The following MSRB3 variants were observed in gnomAD, a reference collection of about 807,000 sequenced individuals.
The protein encoded by MSRB3 is methionine sulfoxide reductase B3, also known as methionine-R-sulfoxide reductase B3.
Under a neutral mutation model 21.0 loss-of-function variants are expected in MSRB3, and 13 were observed. The ratio of observed to expected loss-of-function variants is 0.62; its 90% CI spans 0.40 to 0.98. MSRB3 has a LOEUF of 0.98. MSRB3 is among the 50% of genes least tolerant of loss of function. The pLI is 0.00. For missense variants in MSRB3, 199 were observed against 230.3 expected (o/e 0.86, Z 0.88); for synonymous variants, 87 against 88.6 (o/e 0.98, Z 0.10).
intron 1 of MSRB3, among the ~76,000 whole-genome samples, chr12:65,288,085 A>ACGAG (rs1177935903): frequency 6.6e-6 from 1 of 152,010 alleles, no homozygotes; most frequent in Non-Finnish European, 1.5e-5. Flanking sequence ...CGGGCGGATC[A>ACGAG]CGAGGTCAAG....
rs1325659714 is a variant in MSRB3, at chr12:65,308,541, T to C, written c.-39T>C. The C allele has an allele frequency of 6.2e-7, 1 of 1,613,842 alleles. No individual in the cohort carries two copies. Among genetic ancestry groups the C allele is most frequent in the South Asian group, 1.1e-5 (1 of 91,080 alleles). ...TTCTCCTACTCAGCTCTTGCCCCTG[T>C]TCTTTGCTTCTCGTTTTGTTGGTGA... On this transcript the variant is annotated 5_prime_UTR_variant, in exon 2 of 7. Transcript: ENST00000308259.
At chr12:65,354,823 A>C (rs1337469407) in intron 4 of MSRB3, among the ~76,000 whole-genome samples, 2 of 151,828 alleles carry the variant, frequency 1.3e-5, no homozygotes, top group African/African-American at 4.8e-5. Flanking sequence ...TAAGATTTTG[A>C]AGATGTTAGG....
At chr12:65,361,534 A>G (rs1343179153) in intron 4 of MSRB3, among the ~76,000 whole-genome samples, 1 of 152,132 alleles carries the variant, frequency 6.6e-6, no homozygotes, top group Non-Finnish European at 1.5e-5. Flanking sequence ...GCTTCTAAAT[A>G]TATTTTTATA....
At chr12:65,292,597 A>G (rs951533653) in intron 1 of MSRB3, among the ~76,000 whole-genome samples, 2 of 151,884 alleles carry the variant, frequency 1.3e-5, no homozygotes, top group African/African-American at 4.8e-5. Flanking sequence ...TACTTTTCTC[A>G]TTTAGTACAC....
intron 6 of MSRB3, among the ~76,000 whole-genome samples, chr12:65,462,617 A>G (rs925799509): frequency 6.6e-6 from 1 of 152,212 alleles, no homozygotes; most frequent in Non-Finnish European, 1.5e-5. Flanking sequence ...GGTGACTGTG[A>G]CATAAATCTA....
At chr12:65,343,196 A>G (rs1282077597) in intron 4 of MSRB3, among the ~76,000 whole-genome samples, 3 of 152,154 alleles carry the variant, frequency 2.0e-5, no homozygotes, top group African/African-American at 4.8e-5. Context: ...TTTATTTTTA[A>G]AGGCCAAAAT....
chr12:65,349,827 A>T (rs1876813325), intron 4 of MSRB3, among the ~76,000 whole-genome samples: 1 of 151,840 alleles, frequency 6.6e-6, no homozygotes, highest in African/African-American at 2.4e-5. Flanking sequence ...TCAGATAAGT[A>T]GGTTGCAAAA....
At chr12:65,421,547 G>T (rs1881296011) in intron 5 of MSRB3, among the ~76,000 whole-genome samples, 1 of 152,182 alleles carries the variant, frequency 6.6e-6, no homozygotes, top group Non-Finnish European at 1.5e-5. Context: ...CAGTTTCTAT[G>T]TCCAGAATGG....
intron 1 of MSRB3, among the ~76,000 whole-genome samples, chr12:65,298,972 C>T (rs1873150239): frequency 6.6e-6 from 1 of 152,144 alleles, no homozygotes; most frequent in African/African-American, 2.4e-5. Flanking sequence ...CCCATTGAGG[C>T]ACTGGATCTT....
chr12:65,299,151 T>C (rs1391686838), intron 1 of MSRB3, among the ~76,000 whole-genome samples: 1 of 152,216 alleles, frequency 6.6e-6, no homozygotes, highest in Admixed American at 6.5e-5. Flanking sequence ...ATAATTTTGG[T>C]TAATATAGTT....
rs1180119000 is a variant in MSRB3, at chr12:65,465,537, C to T, written c.*2215C>T. On this transcript the variant is annotated 3_prime_UTR_variant, in exon 7 of 7. Transcript: ENST00000308259. The stretch of plus-strand genomic sequence containing the variant: ...CAGTGTGGCCATGTCCACATTCCTA[C>T]ATGTCTCTCTCTACAAGCACCTCTC... 1 of 152,164 alleles carries T rather than the reference C, an allele frequency of 6.6e-6. No homozygotes were observed. Among genetic ancestry groups the T allele is most frequent in the Non-Finnish European group, 1.5e-5 (1 of 68,022 alleles). 9.4% of individuals were successfully genotyped at this position (152,164 alleles called of 1,614,324 possible).
At chr12:65,424,283 A>C (rs1166923087) in intron 5 of MSRB3, among the ~76,000 whole-genome samples, 16 of 151,196 alleles carry the variant, frequency 1.1e-4, no homozygotes, top group African/African-American at 3.2e-4. Flanking sequence ...GGTTTCATTG[A>C]ACTTTTCTTT....
At chr12:65,296,381 G>A (rs1872966706) in intron 1 of MSRB3, among the ~76,000 whole-genome samples, 1 of 152,026 alleles carries the variant, frequency 6.6e-6, no homozygotes, top group Non-Finnish European at 1.5e-5. Flanking sequence ...TCTCCATAAG[G>A]GAAGTAAAAC....
chr12:65,433,299 A>T (rs1297688972), intron 5 of MSRB3, among the ~76,000 whole-genome samples: 1 of 151,574 alleles, frequency 6.6e-6, no homozygotes, highest in African/African-American at 2.4e-5. Flanking sequence ...TTCTGTTAAA[A>T]TTTTCTTTAG....
rs76417515 is a variant in MSRB3, at chr12:65,364,143, G to A, written c.264-4855G>A. ...TGGAATTACATTCACATTCCAGCCA[G>A]TGGCAAGAAACAGAAAGAAGGGAAG... is the stretch of plus-strand genomic sequence containing the variant. On this transcript the variant is annotated intron_variant, in intron 4 of 6. Transcript: ENST00000308259. Among the ~76,000 whole-genome samples the A allele has an allele frequency of 6.7e-3, 1,015 of 152,236 alleles. 37 individuals carry two copies. Among genetic ancestry groups the A allele is most frequent in the Admixed American group, 0.053 (807 of 15,288 alleles).
intron 5 of MSRB3, among the ~76,000 whole-genome samples, chr12:65,424,515 T>G (rs1881478095): frequency 6.6e-6 from 1 of 152,072 alleles, no homozygotes; most frequent in African/African-American, 2.4e-5. Context: ...TGTTTCTATT[T>G]TTGTGTATTT....
chr12:65,306,947 G>A, intron 1 of MSRB3: 1 of 985,850 alleles, frequency 1.0e-6, no homozygotes, highest in Non-Finnish European at 1.2e-6. Context: ...CAGGCTGCCT[G>A]GTACAGGAGT....
intron 5 of MSRB3, among the ~76,000 whole-genome samples, chr12:65,435,944 C>A (rs1882095669): frequency 6.6e-6 from 1 of 151,744 alleles, no homozygotes; most frequent in African/African-American, 2.4e-5. Flanking sequence ...ATCTTCCATG[C>A]TTTTTCCATT....
intron 1 of MSRB3, chr12:65,279,592 C>G (rs1266339471): frequency 6.6e-6 from 1 of 152,172 alleles, no homozygotes; most frequent in Non-Finnish European, 1.5e-5. Context: ...TGGGCTATTT[C>G]GAGTCAAACT....
Sources: gnomAD v4.1 joint callset for allele counts (sites outside exome capture counted in the v4.1 genomes callset) on GRCh38, gnomAD v4.1.1 for gene constraint, MANE v1.5 for transcripts, NCBI Gene and HGNC (gene_info 2026-07-23, HGNC 2026-07-21) for gene names.